Variants in SGCD observed in about 807,000 individuals in gnomAD.
SGCD encodes the protein delta-sarcoglycan.
Under a neutral mutation model 36.6 loss-of-function variants are expected in SGCD, and 18 were observed. The ratio of observed to expected loss-of-function variants is 0.49; its 90% CI spans 0.34 to 0.73. The LOEUF is 0.73. Ranked by LOEUF, SGCD falls within the 30% of genes least tolerant of loss-of-function variation. The pLI is 0.01. For synonymous variants in SGCD, 133 were observed against 130.6 expected (o/e 1.02, Z -0.12); for missense variants, 387 against 346.7 (o/e 1.12, Z -0.92).
intron 6 of SGCD, among the ~76,000 whole-genome samples, chr5:156,610,735 G>A (rs2113459048): frequency 6.6e-6 from 1 of 152,340 alleles, no homozygotes; most frequent in African/African-American, 2.4e-5. Context: ...TCAAGCCTCG[G>A]CAAAGGTGGG....
intron 3 of SGCD, among the ~76,000 whole-genome samples, chr5:156,487,161 C>T (rs1268460587): frequency 2.0e-5 from 3 of 152,176 alleles, no homozygotes; most frequent in African/African-American, 7.2e-5. Context: ...AACTGGGATC[C>T]CTGTCTCAAG....
intron 3 of SGCD, among the ~76,000 whole-genome samples, chr5:156,460,695 G>C (rs942583063): frequency 6.6e-6 from 1 of 152,254 alleles, no homozygotes; most frequent in African/African-American, 2.4e-5. Flanking sequence ...TAGTTAAGGG[G>C]TGACTCACTC....
At chr5:155,755,996 G>T in the SGCD span, among the ~76,000 whole-genome samples, 6 of 152,280 alleles carry the variant, frequency 3.9e-5, no homozygotes, top group Non-Finnish European at 8.8e-5. Context: ...GCTGGTATTG[G>T]TATCTTGTCA....
chr5:156,751,529 C>T (rs145738437), intron 7 of SGCD, among the ~76,000 whole-genome samples: 274 of 151,984 alleles, frequency 1.8e-3, no homozygotes, highest in African/African-American at 5.8e-3. Flanking sequence ...AAACCACAAA[C>T]GGAAAGAAGA....
At chr5:156,153,774 A>G (rs1326626660) in intron 3 of SGCD, among the ~76,000 whole-genome samples, 1 of 151,584 alleles carries the variant, frequency 6.6e-6, no homozygotes, top group Non-Finnish European at 1.5e-5. Flanking sequence ...AGAGAGTTGC[A>G]TATCTGGGTT....
At chr5:156,711,334 C>T (rs1001805732) in intron 7 of SGCD, among the ~76,000 whole-genome samples, 2 of 152,226 alleles carry the variant, frequency 1.3e-5, no homozygotes, top group African/African-American at 4.8e-5. Context: ...TGTGTGTCCA[C>T]ATGGCCACCA....
the SGCD span, among the ~76,000 whole-genome samples, chr5:155,815,536 A>T: frequency 6.6e-6 from 1 of 152,258 alleles, no homozygotes; most frequent in Non-Finnish European, 1.5e-5. Context: ...TGGATAATTT[A>T]TAAAGAAAAG....
At chr5:156,743,530 T>G (rs1384833437) in intron 7 of SGCD, among the ~76,000 whole-genome samples, 2 of 152,204 alleles carry the variant, frequency 1.3e-5, no homozygotes, top group Admixed American at 1.3e-4. Flanking sequence ...CTGTGCCCCT[T>G]AAGCCCAGTA....
At chr5:156,018,223 C>A (rs867879154) in intron 1 of SGCD, among the ~76,000 whole-genome samples, 1 of 152,054 alleles carries the variant, frequency 6.6e-6, no homozygotes, top group Admixed American at 6.6e-5. Context: ...ATGTTAAGAT[C>A]CTATTTGTGA....
At chr5:156,054,284 C>CTTTTTT (rs70981996) in intron 1 of SGCD, among the ~76,000 whole-genome samples, 1 of 80,396 alleles carries the variant, frequency 1.2e-5, no homozygotes, top group African/African-American at 3.8e-5. Context: ...AACTTTCCTT[C>CTTTTTT]TTTTTTTTTT....
At chr5:156,374,665 T>TTC (rs1770560905) in intron 3 of SGCD, among the ~76,000 whole-genome samples, 1 of 149,516 alleles carries the variant, frequency 6.7e-6, no homozygotes, top group Non-Finnish European at 1.5e-5. Context: ...ACCCTGTCTT[T>TTC]TTTTTTTTTT....
At chr5:155,846,712 C>A in the SGCD span, among the ~76,000 whole-genome samples, 1 of 152,312 alleles carries the variant, frequency 6.6e-6, no homozygotes, top group African/African-American at 2.4e-5. Context: ...AATGTATTTG[C>A]TCACAATTCT....
At chr5:156,208,134 T>C (rs986630657) in intron 3 of SGCD, among the ~76,000 whole-genome samples, 1 of 152,194 alleles carries the variant, frequency 6.6e-6, no homozygotes, top group Non-Finnish European at 1.5e-5. Context: ...GGAATATTTA[T>C]AATCAGTGGA....
At chr5:155,879,884 A>G (rs571155297) in intron 1 of SGCD, among the ~76,000 whole-genome samples, 12 of 152,272 alleles carry the variant, frequency 7.9e-5, no homozygotes, top group Admixed American at 5.9e-4. Context: ...GTGTAGTTTG[A>G]TTTAATTTAG....
chr5:156,267,790 C>T (rs1197818973), intron 3 of SGCD, among the ~76,000 whole-genome samples: 2 of 152,122 alleles, frequency 1.3e-5, no homozygotes, highest in Admixed American at 1.3e-4. Flanking sequence ...CACAATTTGA[C>T]CAAGGCAAAT....
chr5:155,919,571 C>T (rs959861479), intron 1 of SGCD, among the ~76,000 whole-genome samples: 1 of 152,062 alleles, frequency 6.6e-6, no homozygotes, highest in Admixed American at 6.6e-5. Context: ...CTTAAAAAAA[C>T]AAAATGCGGC....
intron 7 of SGCD, among the ~76,000 whole-genome samples, chr5:156,688,711 TG>T (rs1450013845): frequency 6.6e-6 from 1 of 152,196 alleles, no homozygotes; most frequent in Non-Finnish European, 1.5e-5. Context: ...TATTTCAGAT[TG>T]GGTTCCTTCC....
rs73810400 is a variant in SGCD, at chr5:156,021,785, G to A, written c.-281-96093G>A. Among the ~76,000 whole-genome samples the A allele has an allele frequency of 6.6e-3, 1,001 of 152,278 alleles. 11 individuals carry two copies. Among genetic ancestry groups the A allele is most frequent in the African/African-American group, 0.023 (947 of 41,566 alleles). On this transcript the variant is annotated intron_variant, in intron 1 of 9. Transcript: ENST00000517913. The stretch of plus-strand genomic sequence containing the variant: ...TCAGGAGCCAGAGGAAGGAGCATGA[G>A]GGTGAGAAGCAGAAAGCATGAGAAG...
chr5:156,462,942 A>G (rs1754551785), intron 3 of SGCD, among the ~76,000 whole-genome samples: 1 of 152,174 alleles, frequency 6.6e-6, no homozygotes, highest in African/African-American at 2.4e-5. Flanking sequence ...TATAATTAAT[A>G]TGAATTCTGA....
Sources: allele counts gnomAD v4.1 joint callset (sites outside exome capture counted in the v4.1 genomes callset), GRCh38; gene constraint gnomAD v4.1.1; transcripts MANE v1.5; gene names NCBI Gene and HGNC (gene_info 2026-07-23, HGNC 2026-07-21).